Variants in PTPRT observed in about 807,000 individuals in gnomAD.
PTPRT encodes receptor-type tyrosine-protein phosphatase T.
A neutral mutation model predicts 176.8 loss-of-function variants in PTPRT; 56 were observed. The observed-to-expected ratio is 0.32, with a 90% CI of 0.26 to 0.40. The LOEUF is 0.40. Among genes scored for constraint, PTPRT ranks in the 10% least tolerant of loss-of-function variants. PTPRT has a pLI of 1.00. For synonymous variants in PTPRT, 783 were observed against 739.0 expected, an observed-to-expected ratio of 1.06 and a Z score of -0.96; for missense variants, 1,540 against 1,908.2, an observed-to-expected ratio of 0.81 and a Z score of 3.60.
intron 2 of PTPRT, among the ~76,000 whole-genome samples, chr20:42,823,920 A>T (rs1024439852): frequency 6.6e-6 from 1 of 152,050 alleles, no homozygotes; most frequent in Non-Finnish European, 1.5e-5. Context: ...TAAAAAAAAA[A>T]GTTCAGTAAG....
chr20:42,308,735 G>C (rs2057583305), intron 12 of PTPRT, among the ~76,000 whole-genome samples: 2 of 152,170 alleles, frequency 1.3e-5, no homozygotes, highest in Non-Finnish European at 2.9e-5. Context: ...AGCCAAGTCT[G>C]TCTGATGCTC....
At chr20:42,709,937 T>G (rs1364536326) in intron 6 of PTPRT, among the ~76,000 whole-genome samples, 1 of 152,168 alleles carries the variant, frequency 6.6e-6, no homozygotes, top group Non-Finnish European at 1.5e-5. Context: ...TGCATTATGC[T>G]CATGCCCTAA....
intron 1 of PTPRT, among the ~76,000 whole-genome samples, chr20:43,127,210 T>C (rs899225335): frequency 3.3e-5 from 5 of 151,796 alleles, no homozygotes; most frequent in Admixed American, 6.6e-5. Flanking sequence ...GATCACAAGG[T>C]CAGGAGATGG....
At chr20:42,865,131 G>T (rs1368224794) in intron 2 of PTPRT, among the ~76,000 whole-genome samples, 1 of 152,224 alleles carries the variant, frequency 6.6e-6, no homozygotes, top group African/African-American at 2.4e-5. Flanking sequence ...CCTGGTTGCA[G>T]TAATGAACAA....
chr20:42,052,925 C>CT, the PTPRT span, among the ~76,000 whole-genome samples: 1 of 152,154 alleles, frequency 6.6e-6, no homozygotes, highest in Admixed American at 6.5e-5. Flanking sequence ...AATTGGCTAA[C>CT]TTTTTCTGTA....
At chr20:42,066,149 C>G in the PTPRT span, among the ~76,000 whole-genome samples, 1 of 150,210 alleles carries the variant, frequency 6.7e-6, no homozygotes, top group Non-Finnish European at 1.5e-5. Flanking sequence ...AAACGATTCT[C>G]CTGCCTCAGC....
intron 2 of PTPRT, among the ~76,000 whole-genome samples, chr20:42,834,838 T>A (rs1222559162): frequency 3.9e-5 from 6 of 152,106 alleles, no homozygotes; most frequent in African/African-American, 1.4e-4. Context: ...GGAAAGTTAC[T>A]CCATGTCAAT....
chr20:42,593,351 C>T (rs1569001736), intron 7 of PTPRT, among the ~76,000 whole-genome samples: 2 of 152,202 alleles, frequency 1.3e-5, no homozygotes, highest in Non-Finnish European at 2.9e-5. Context: ...CAGACACCCA[C>T]TCCTATTTCA....
chr20:42,610,683 C>G lies in PTPRT; in HGVS notation c.1153+67183G>C, dbSNP rs111881895. On this transcript the variant is annotated intron_variant, in intron 7 of 30. Coordinates refer to ENST00000373187, the MANE Select transcript of PTPRT (RefSeq NM_007050.6). Reference sequence around the variant, plus strand: ...TCTGTTGTTGTTGTGGGGGATAACACCCTTTGTGAGATAAAACTCACAACC... The same window carrying G: ...TCTGTTGTTGTTGTGGGGGATAACAGCCTTTGTGAGATAAAACTCACAACC... Among the ~76,000 whole-genome samples, 659 of 152,204 alleles carry G rather than the reference C, an allele frequency of 4.3e-3. 6 individuals are homozygous for G. The highest frequency in any genetic ancestry group is 0.015 in the African/African-American group (620 of 41,528).
chr20:42,251,685 C>T (rs185783873), intron 13 of PTPRT, among the ~76,000 whole-genome samples: 4 of 149,578 alleles, frequency 2.7e-5, no homozygotes, highest in South Asian at 2.1e-4. Flanking sequence ...GAGAAATAGC[C>T]TTGCCTAATG....
intron 7 of PTPRT, among the ~76,000 whole-genome samples, chr20:42,567,774 A>G (rs1028278449): frequency 3.9e-5 from 6 of 152,226 alleles, no homozygotes; most frequent in Non-Finnish European, 8.8e-5. Flanking sequence ...TATTTATTGA[A>G]CAACAGACCT....
intron 16 of PTPRT, among the ~76,000 whole-genome samples, chr20:42,178,867 G>C (rs185242363): frequency 1.3e-5 from 2 of 152,132 alleles, no homozygotes; most frequent in Non-Finnish European, 2.9e-5. Flanking sequence ...CTTGCCAATA[G>C]GTCAACTTAC....
chr20:42,270,295 G>C (rs2056910184), intron 13 of PTPRT: 1 of 1,063,026 alleles, frequency 9.4e-7, no homozygotes, highest in Non-Finnish European at 1.4e-6. Flanking sequence ...TGGGTGGGTG[G>C]GGTGGAAAGA....
intron 7 of PTPRT, among the ~76,000 whole-genome samples, chr20:42,667,545 C>T (rs556656020): frequency 6.6e-6 from 1 of 152,232 alleles, no homozygotes; most frequent in Admixed American, 6.5e-5. Context: ...TTTTAAAAAT[C>T]CAGAGAGCTT....
At chr20:42,998,468 G>A (rs1014758702) in intron 1 of PTPRT, among the ~76,000 whole-genome samples, 10 of 152,104 alleles carry the variant, frequency 6.6e-5, no homozygotes, top group African/African-American at 1.9e-4. Flanking sequence ...TCATATTGGA[G>A]TGATGAGAAG....
intron 7 of PTPRT, among the ~76,000 whole-genome samples, chr20:42,546,277 T>C (rs1359082900): frequency 6.6e-6 from 1 of 151,944 alleles, no homozygotes; most frequent in African/African-American, 2.4e-5. Flanking sequence ...AGGGGGGAAA[T>C]AATGTACAGA....
chr20:42,134,903 C>T (rs1024573550), intron 18 of PTPRT, among the ~76,000 whole-genome samples: 4 of 152,216 alleles, frequency 2.6e-5, no homozygotes, highest in Non-Finnish European at 5.9e-5. Flanking sequence ...TCCAGCTTCA[C>T]ATACTGCTCT....
chr20:42,389,866 A>AAAAG (rs1555839179), intron 9 of PTPRT, among the ~76,000 whole-genome samples: 1,482 of 138,278 alleles, frequency 0.011, 69 homozygotes, highest in Middle Eastern at 0.026. Flanking sequence ...AAAAAAAAAA[A>AAAAG]AAAGAAAGAA....
the PTPRT span, among the ~76,000 whole-genome samples, chr20:42,042,483 G>C: frequency 4.6e-5 from 7 of 152,118 alleles, no homozygotes; most frequent in Admixed American, 1.3e-4. Flanking sequence ...TTTGACCTCT[G>C]TTGGTCTGGG....
Sources: gnomAD v4.1 joint callset for allele counts (sites outside exome capture counted in the v4.1 genomes callset) on GRCh38, gnomAD v4.1.1 for gene constraint, MANE v1.5 for transcripts, NCBI Gene and HGNC (gene_info 2026-07-23, HGNC 2026-07-21) for gene names.